Variants in DLGAP1 observed in about 807,000 individuals in gnomAD.
The protein encoded by DLGAP1 is DLG associated protein 1.
Under a neutral mutation model 90.8 loss-of-function variants are expected in DLGAP1, and 11 were observed. The observed-to-expected ratio is 0.12, with a 90% CI of 0.08 to 0.20. DLGAP1 has a LOEUF of 0.20. Among genes scored for constraint, DLGAP1 ranks in the 10% least tolerant of loss-of-function variants. The pLI, the probability that DLGAP1 is intolerant of heterozygous loss-of-function variation, is 1.00. For missense variants in DLGAP1, 1,050 were observed against 1,333.8 expected, an observed-to-expected ratio of 0.79 and a Z score of 3.31; for synonymous variants, 558 against 540.7, an observed-to-expected ratio of 1.03 and a Z score of -0.44.
intron 4 of DLGAP1, among the ~76,000 whole-genome samples, chr18:3,859,280 T>C (rs2069875910): frequency 6.6e-6 from 1 of 152,188 alleles, no homozygotes; most frequent in Admixed American, 6.5e-5. Flanking sequence ...TATACAATGA[T>C]CTCATTTAGC....
intron 1 of DLGAP1, among the ~76,000 whole-genome samples, chr18:4,190,556 ATCAATTGTAACAAACGTACCTTACTAAT>A (rs1192851358): frequency 6.6e-6 from 1 of 152,164 alleles, no homozygotes; most frequent in Non-Finnish European, 1.5e-5. Flanking sequence ...ATATTAGCTC[ATCAATTGTAACAAACGTACCTTACTAAT>A]GCAAGATACT....
chr18:3,558,307 A>G (rs577992961), intron 9 of DLGAP1, among the ~76,000 whole-genome samples: 4 of 152,318 alleles, frequency 2.6e-5, no homozygotes, highest in Non-Finnish European at 5.9e-5. Flanking sequence ...CTCTTGGCTC[A>G]CTGTAACATC....
intron 1 of DLGAP1, among the ~76,000 whole-genome samples, chr18:4,353,396 C>T (rs1288231230): frequency 6.6e-6 from 1 of 152,138 alleles, no homozygotes; most frequent in African/African-American, 2.4e-5. Context: ...ATTACAAGGA[C>T]CTTCGAAAGT....
chr18:4,308,007 G>T (rs1260893846), intron 1 of DLGAP1, among the ~76,000 whole-genome samples: 1 of 152,164 alleles, frequency 6.6e-6, no homozygotes, highest in Non-Finnish European at 1.5e-5. Flanking sequence ...GAGCCACCGT[G>T]CCCGGCCGAG....
At chr18:4,153,519 T>C (rs972169917) in intron 1 of DLGAP1, among the ~76,000 whole-genome samples, 17 of 152,330 alleles carry the variant, frequency 1.1e-4, no homozygotes, top group African/African-American at 3.8e-4. Context: ...CTTTTTAACT[T>C]TTTTCTTCCT....
At chr18:4,436,567 A>G (rs969283343) in intron 1 of DLGAP1, among the ~76,000 whole-genome samples, 7 of 152,032 alleles carry the variant, frequency 4.6e-5, no homozygotes, top group Admixed American at 6.6e-5. Flanking sequence ...AAACACATTC[A>G]TGCCTGAGCC....
intron 1 of DLGAP1, among the ~76,000 whole-genome samples, chr18:4,393,994 C>T (rs1378764395): frequency 1.3e-5 from 2 of 152,160 alleles, no homozygotes; most frequent in African/African-American, 4.8e-5. Flanking sequence ...CGGCCAGGTT[C>T]CTAACTGGCC....
intron 7 of DLGAP1, among the ~76,000 whole-genome samples, chr18:3,669,038 A>G (rs2059983644): frequency 6.6e-6 from 1 of 151,982 alleles, no homozygotes; most frequent in Non-Finnish European, 1.5e-5. Flanking sequence ...ATAATATTTG[A>G]CATGTTAATA....
intron 5 of DLGAP1, among the ~76,000 whole-genome samples, chr18:3,761,590 T>C (rs1378110344): frequency 6.6e-6 from 1 of 151,966 alleles, no homozygotes; most frequent in East Asian, 1.9e-4. Context: ...TTTTTTTTTT[T>C]TTTAAGACGG....
At chr18:4,053,311 A>G (rs777660083) in intron 2 of DLGAP1, among the ~76,000 whole-genome samples, 3 of 152,214 alleles carry the variant, frequency 2.0e-5, no homozygotes, top group Non-Finnish European at 4.4e-5. Flanking sequence ...ACATAGCAGC[A>G]GCAAGGAGAA....
At chr18:3,529,468 G>GT (rs904041139) in intron 10 of DLGAP1, among the ~76,000 whole-genome samples, 25 of 151,410 alleles carry the variant, frequency 1.7e-4, no homozygotes, top group South Asian at 6.3e-4. Flanking sequence ...ACTTATTGAA[G>GT]TTTTTTTTTA....
chr18:4,162,210 C>T (rs1209656120), intron 1 of DLGAP1, among the ~76,000 whole-genome samples: 2 of 152,096 alleles, frequency 1.3e-5, no homozygotes, highest in African/African-American at 4.8e-5. Context: ...GCGATAATGT[C>T]TCATAGGCAG....
At chr18:3,975,059 G>A (rs1813858893) in intron 3 of DLGAP1, among the ~76,000 whole-genome samples, 1 of 152,100 alleles carries the variant, frequency 6.6e-6, no homozygotes, top group African/African-American at 2.4e-5. Context: ...GTTATTTAAT[G>A]GGTACAGAGT....
At chr18:3,899,529 T>C (rs1390313032) in intron 3 of DLGAP1, among the ~76,000 whole-genome samples, 3 of 152,212 alleles carry the variant, frequency 2.0e-5, no homozygotes. Flanking sequence ...ACCTTTTGGA[T>C]GTTTACTTAG....
intron 11 of DLGAP1, among the ~76,000 whole-genome samples, chr18:3,505,688 G>GAGCATGC (rs985470222): frequency 5.5e-5 from 8 of 144,422 alleles, no homozygotes; most frequent in African/African-American, 1.8e-4. Context: ...TGTTCTTTTT[G>GAGCATGC]AGCATGTAAC....
chr18:4,045,489 C>CTTGG (rs1236947757), intron 2 of DLGAP1, among the ~76,000 whole-genome samples: 2 of 115,330 alleles, frequency 1.7e-5, no homozygotes, highest in Non-Finnish European at 3.4e-5. Context: ...GTCCCAGTTA[C>CTTGG]TTGGGAGGGT....
chr18:3,856,357 C>T (rs778518850), intron 4 of DLGAP1, among the ~76,000 whole-genome samples: 9 of 151,982 alleles, frequency 5.9e-5, no homozygotes, highest in Non-Finnish European at 1.3e-4. Flanking sequence ...TAGAAAATGG[C>T]CAGTCAAAAT....
At chr18:3,548,619 T>C (rs1371792685) in intron 9 of DLGAP1, among the ~76,000 whole-genome samples, 1 of 152,028 alleles carries the variant, frequency 6.6e-6, no homozygotes, top group African/African-American at 2.4e-5. Flanking sequence ...ATACAAAAAT[T>C]AGCTGGGCGT....
intron 3 of DLGAP1, among the ~76,000 whole-genome samples, chr18:3,971,545 A>G (rs2073449607): frequency 6.6e-6 from 1 of 152,178 alleles, no homozygotes; most frequent in South Asian, 2.1e-4. Context: ...TTTTTCTAAA[A>G]AAGTATTGGT....
Sources: allele counts gnomAD v4.1 joint callset (sites outside exome capture counted in the v4.1 genomes callset), GRCh38; gene constraint gnomAD v4.1.1; transcripts MANE v1.5; gene names NCBI Gene and HGNC (gene_info 2026-07-23, HGNC 2026-07-21).